The following PRTG variants were observed in gnomAD, a reference collection of about 807,000 sequenced individuals.
PRTG encodes the protein immunoglobulin superfamily, DCC subclass, member 5.
A neutral mutation model predicts 122.5 loss-of-function variants in PRTG; 67 were observed. The ratio of observed to expected loss-of-function variants is 0.55; its 90% CI spans 0.45 to 0.67. The LOEUF (loss-of-function observed/expected upper bound fraction) is 0.67. PRTG is among the 30% of genes least tolerant of loss of function. PRTG has a pLI of 0.00. For missense variants in PRTG, 1,435 were observed against 1,415.4 expected (o/e 1.01, Z -0.22); for synonymous variants, 554 against 501.1 (o/e 1.11, Z -1.41).
At chr15:55,629,371 A>ATG (rs1457708289) in intron 15 of PRTG, among the ~76,000 whole-genome samples, 584 of 35,216 alleles carry the variant, frequency 0.017, 5 homozygotes, top group African/African-American at 0.032. Flanking sequence ...ATATATATAT[A>ATG]TATATGTGTG....
At chr15:55,680,446 A>G in intron 5 of PRTG, 45 bp downstream of exon 5, 3 of 1,532,856 alleles carry the variant, frequency 2.0e-6, no homozygotes, top group Non-Finnish European at 2.6e-6. Context: ...AGAATGAACA[A>G]AATTTAAGGA....
At chr15:55,728,045 T>C (rs1229650594) in intron 2 of PRTG, among the ~76,000 whole-genome samples, 2 of 152,004 alleles carry the variant, frequency 1.3e-5, no homozygotes, top group Admixed American at 1.3e-4. Flanking sequence ...TTTGTGTTTT[T>C]AGTAGAGACG....
chr15:55,740,311 T>C (rs2031567121), intron 2 of PRTG, 71 bp downstream of exon 2: 1 of 1,379,678 alleles, frequency 7.2e-7, no homozygotes, highest in African/African-American at 1.4e-5. Flanking sequence ...GGGATTATTA[T>C]ATTAATAAAG....
intron 2 of PRTG, among the ~76,000 whole-genome samples, chr15:55,735,822 T>C (rs1374102442): frequency 6.6e-6 from 1 of 150,704 alleles, no homozygotes; most frequent in African/African-American, 2.4e-5. Flanking sequence ...TAGGGCAAAG[T>C]GAGAAAAACT....
At chr15:55,710,918 T>C (rs2030356905) in intron 2 of PRTG, among the ~76,000 whole-genome samples, 1 of 151,920 alleles carries the variant, frequency 6.6e-6, no homozygotes, top group Non-Finnish European at 1.5e-5. Context: ...TTTTTTTTGT[T>C]TTTTTGAGAC....
intron 18 of PRTG, among the ~76,000 whole-genome samples, chr15:55,622,535 T>A (rs2059172438): frequency 6.8e-6 from 1 of 146,384 alleles, no homozygotes; most frequent in African/African-American, 2.5e-5. Flanking sequence ...AGGCGCCTAC[T>A]ACCATGACCG....
intron 5 of PRTG, 26 bp downstream of exon 5, chr15:55,680,462 CTTT>C (rs35467969): frequency 5.4e-5 from 67 of 1,233,800 alleles, no homozygotes; most frequent in South Asian, 3.0e-4. Flanking sequence ...AAGGAAAAGA[CTTT>C]TTTTTTTTTT....
chr15:55,666,986 G>A (rs546881881), intron 11 of PRTG, among the ~76,000 whole-genome samples: 16 of 151,982 alleles, frequency 1.1e-4, no homozygotes, highest in South Asian at 2.1e-4. Flanking sequence ...TTCTTTTACC[G>A]TCAGTGCCAT....
At chr15:55,651,140 TAGTAAG>T (rs2059351115) in intron 11 of PRTG, among the ~76,000 whole-genome samples, 2 of 151,934 alleles carry the variant, frequency 1.3e-5, no homozygotes, top group South Asian at 4.2e-4. Flanking sequence ...AGATAGCAAA[TAGTAAG>T]AGTATGTGTA....
intron 17 of PRTG, 57 bp downstream of exon 17, chr15:55,626,951 G>A (rs983196909): frequency 4.8e-5 from 73 of 1,506,820 alleles, no homozygotes; most frequent in Non-Finnish European, 6.2e-5. Context: ...TTTGTTTCCT[G>A]TGGCTACCGT....
chr15:55,684,576 T>C lies in PRTG; in HGVS notation c.398-645A>G, dbSNP rs1415573270. On this transcript the variant is annotated intron_variant, in intron 2 of 19. Transcript: ENST00000389286. ...AAATTAAGGCATCAATTAAGATTTC[T>C]GAGCAAAGGCATGTCCTGATATTAG... Among the ~76,000 whole-genome samples, 7 of 152,316 alleles carry C rather than the reference T, an allele frequency of 4.6e-5. No homozygotes were observed. In the East Asian group the frequency reaches 1.3e-3, roughly 29 times the overall value.
intron 2 of PRTG, among the ~76,000 whole-genome samples, chr15:55,713,787 T>A (rs1331292793): frequency 6.6e-6 from 1 of 152,176 alleles, no homozygotes; most frequent in Non-Finnish European, 1.5e-5. Context: ...AGTTCTTTCA[T>A]CTTTTGGTTA....
chr15:55,740,824 T>G (rs540917662), intron 1 of PRTG, 140 bp from the exon 2 acceptor site: 3 of 696,506 alleles, frequency 4.3e-6, no homozygotes, highest in Admixed American at 6.3e-5. Context: ...ACAAACACCT[T>G]AATGAACCAA....
intron 2 of PRTG, among the ~76,000 whole-genome samples, chr15:55,687,039 A>C (rs986998402): frequency 2.0e-5 from 3 of 152,230 alleles, no homozygotes; most frequent in East Asian, 3.8e-4. Context: ...GAGGGGCAGC[A>C]GCAGGTCATG....
chr15:55,741,840 G>A (rs1466731400), intron 1 of PRTG, among the ~76,000 whole-genome samples: 2 of 152,228 alleles, frequency 1.3e-5, no homozygotes, highest in Admixed American at 1.3e-4. Context: ...ACTCCGGAAG[G>A]CGCCCATTGT....
At chr15:55,722,672 T>TTATTTCCA (rs1301984488) in intron 2 of PRTG, among the ~76,000 whole-genome samples, 1 of 152,232 alleles carries the variant, frequency 6.6e-6, no homozygotes, top group Non-Finnish European at 1.5e-5. Flanking sequence ...CCTTATTTCC[T>TTATTTCCA]TATTTCCATT....
intron 2 of PRTG, among the ~76,000 whole-genome samples, chr15:55,691,049 C>T (rs988306670): frequency 4.0e-5 from 6 of 151,846 alleles, no homozygotes; most frequent in Non-Finnish European, 1.5e-5. Flanking sequence ...GGCTCACACC[C>T]GTAATCCCTG....
intron 11 of PRTG, among the ~76,000 whole-genome samples, chr15:55,657,282 T>C (rs183170477): frequency 3.9e-5 from 6 of 152,290 alleles, no homozygotes; most frequent in East Asian, 1.9e-4. Context: ...TTGAGGCCCA[T>C]TGCCATGATT....
At chr15:55,730,626 C>G (rs2031196975) in intron 2 of PRTG, among the ~76,000 whole-genome samples, 1 of 151,894 alleles carries the variant, frequency 6.6e-6, no homozygotes, top group Non-Finnish European at 1.5e-5. Context: ...CAGTGAAACC[C>G]CATCTCTAGT....
Sources: gnomAD v4.1 joint callset for allele counts (sites outside exome capture counted in the v4.1 genomes callset) on GRCh38, gnomAD v4.1.1 for gene constraint, MANE v1.5 for transcripts, NCBI Gene and HGNC (gene_info 2026-07-23, HGNC 2026-07-21) for gene names.